Variants in TTC39C observed in about 807,000 individuals in gnomAD.
The protein encoded by TTC39C is tetratricopeptide repeat domain 39C, also known as tetratricopeptide repeat protein 39C.
A neutral mutation model predicts 76.3 loss-of-function variants in TTC39C; 33 were observed. The ratio of observed to expected loss-of-function variants is 0.43; its 90% CI spans 0.33 to 0.58. TTC39C has a LOEUF of 0.58. Ranked by LOEUF, TTC39C falls within the 20% of genes least tolerant of loss-of-function variation. The pLI, the probability that TTC39C is intolerant of heterozygous loss-of-function variation, is 0.04. For missense variants in TTC39C, 595 were observed against 701.4 expected (o/e 0.85, Z 1.71); for synonymous variants, 254 against 260.6 (o/e 0.97, Z 0.24).
At chr18:24,020,369 C>T in intron 1 of TTC39C, 1 of 924,544 alleles carries the variant, frequency 1.1e-6, no homozygotes, top group Non-Finnish European at 1.3e-6. Context: ...GAAAAAAATA[C>T]CTGTGCTATA....
chr18:24,093,152 G>A (rs377720328), intron 6 of TTC39C, among the ~76,000 whole-genome samples: 19 of 152,300 alleles, frequency 1.2e-4, no homozygotes, highest in African/African-American at 4.6e-4. Flanking sequence ...GGTGAATTTT[G>A]TGATTTTTGA....
chr18:24,003,183 C>T (rs1203889717), intron 1 of TTC39C, among the ~76,000 whole-genome samples: 1 of 152,152 alleles, frequency 6.6e-6, no homozygotes, highest in African/African-American at 2.4e-5. Context: ...TGCAGTCTCA[C>T]CTGTCCATGC....
chr18:24,021,609 G>A (rs1173499457), intron 1 of TTC39C, among the ~76,000 whole-genome samples: 5 of 139,346 alleles, frequency 3.6e-5, no homozygotes, highest in Non-Finnish European at 4.5e-5. Flanking sequence ...GCAATGGCAC[G>A]ATCTTGGCTC....
At chr18:24,014,565 A>C, upstream of TTC39C, 2 of 222,502 alleles carry the variant, frequency 9.0e-6, no homozygotes, top group Non-Finnish European at 8.6e-6. Context: ...GACACCCGGA[A>C]ACGGATTCCG....
rs1555779358 is a variant in TTC39C at position 24,134,257 on chromosome 18, G to GTTGTTGT, written c.*1685_*1686insGTTGTTT. 8.2e-5 allele frequency: 4 copies of GTTGTTGT among 48,688 alleles called. No individual in the cohort carries two copies. In the South Asian group the frequency reaches 2.7e-3, roughly 33 times the overall value. 3.0% of individuals were successfully genotyped at this position (48,688 alleles called of 1,614,324 possible). A position where few individuals can be genotyped will look rare whatever the true frequency, so the allele number is the denominator to read the frequency against. On this transcript the variant is annotated 3_prime_UTR_variant, in exon 14 of 14. Coordinates refer to ENST00000317571, the MANE Select transcript of TTC39C (RefSeq NM_001135993.2). ...TGGTGCCCAAAAATATTGGACATCT[G>GTTGTTGT]TTTTTTGTTTTTTTTTTTTTTTTTT...
rs192917079 is a variant in TTC39C at position 24,122,696 on chromosome 18, T to C, written c.1187-1138T>C. Among the ~76,000 whole-genome samples, 4 of 152,022 alleles carry C rather than the reference T, an allele frequency of 2.6e-5. 1 individual carries two copies. The highest frequency in any genetic ancestry group is 9.6e-5 in the African/African-American group (4 of 41,472). On this transcript the variant is annotated intron_variant, in intron 8 of 13. Transcript: ENST00000317571. ...GGCTGCAGCCAGTGCAAAGTTTGCA[T>C]AAGGGACAGAGAAGACACAGCAAAG...
chr18:24,025,114 C>T (rs1207126642), intron 1 of TTC39C, among the ~76,000 whole-genome samples: 1 of 152,208 alleles, frequency 6.6e-6, no homozygotes, highest in Non-Finnish European at 1.5e-5. Flanking sequence ...ACTGATCTGA[C>T]CGTCTCGGCC....
intron 4 of TTC39C, among the ~76,000 whole-genome samples, chr18:24,078,906 T>G (rs972542594): frequency 6.6e-6 from 1 of 152,244 alleles, no homozygotes; most frequent in Non-Finnish European, 1.5e-5. Context: ...GGCCAACCTT[T>G]TTAGCAGTTC....
chr18:24,098,052 G>T (rs1342978561), intron 6 of TTC39C, among the ~76,000 whole-genome samples: 1 of 152,002 alleles, frequency 6.6e-6, no homozygotes, highest in African/African-American at 2.4e-5. Context: ...TATCATGATT[G>T]CCTTTTAAAT....
At chr18:24,034,084 A>G (rs1053591527) in intron 1 of TTC39C, among the ~76,000 whole-genome samples, 2 of 152,198 alleles carry the variant, frequency 1.3e-5, no homozygotes, top group Non-Finnish European at 2.9e-5. Context: ...GGAGTTTATT[A>G]AACATAAAGG....
intron 6 of TTC39C, among the ~76,000 whole-genome samples, chr18:24,091,435 A>G (rs949458259): frequency 6.6e-6 from 1 of 152,042 alleles, no homozygotes; most frequent in African/African-American, 2.4e-5. Context: ...AAGCCAGACC[A>G]TGTGCTGGGA....
intron 1 of TTC39C, among the ~76,000 whole-genome samples, chr18:24,058,545 C>A (rs10853615): frequency 0.45 from 68,500 of 151,756 alleles, 17,768 homozygotes; most frequent in Non-Finnish European, 0.6. Context: ...GTGCCAGCTA[C>A]TTGGGAGGCT....
At chr18:23,993,591 G>C (rs2083236747) in intron 1 of TTC39C, among the ~76,000 whole-genome samples, 2 of 152,148 alleles carry the variant, frequency 1.3e-5, no homozygotes, top group Admixed American at 1.3e-4. Flanking sequence ...CTTGTATAAA[G>C]ATCGAAATGT....
chr18:24,098,429 C>T, intron 6 of TTC39C, among the ~76,000 whole-genome samples: 1 of 123,350 alleles, frequency 8.1e-6, no homozygotes, highest in East Asian at 2.8e-4. Context: ...TCCTTCCTTC[C>T]TCCTTTCCTT....
chr18:24,061,765 A>G (rs886689065), intron 1 of TTC39C, among the ~76,000 whole-genome samples: 1 of 152,108 alleles, frequency 6.6e-6, no homozygotes, highest in Non-Finnish European at 1.5e-5. Flanking sequence ...TTAGCTGGGC[A>G]TGGTGGTGCC....
At chr18:24,094,492 A>T (rs1046528599) in intron 6 of TTC39C, among the ~76,000 whole-genome samples, 1 of 152,240 alleles carries the variant, frequency 6.6e-6, no homozygotes, top group African/African-American at 2.4e-5. Context: ...CATCAGAGGA[A>T]GCCATGTCTA....
At chr18:24,010,788 C>T (rs998492593), upstream of TTC39C, among the ~76,000 whole-genome samples, 2 of 152,156 alleles carry the variant, frequency 1.3e-5, no homozygotes, top group African/African-American at 4.8e-5. Flanking sequence ...TGGCTCATGC[C>T]TGTAATCCCA....
rs548926323 is a variant in TTC39C at position 24,069,729 on chromosome 18, C to T, written c.460+458C>T. ...TTTGCTAATATACTGGAATGACCTG[C>T]ATTTTAACAAACTTTAGTGAGGGAT... On this transcript the variant is annotated intron_variant, in intron 4 of 13. Transcript: ENST00000317571. Among the ~76,000 whole-genome samples, 97 of 152,286 alleles carry T rather than the reference C, an allele frequency of 6.4e-4. 1 individual carries two copies. Among genetic ancestry groups the T allele is most frequent in the Admixed American group, 3.3e-3 (51 of 15,286 alleles).
chr18:24,001,380 T>C (rs1051464535), intron 1 of TTC39C, among the ~76,000 whole-genome samples: 1 of 152,214 alleles, frequency 6.6e-6, no homozygotes, highest in Non-Finnish European at 1.5e-5. Context: ...TCAATTAACC[T>C]CTTCCTTGAT....
Sources: gnomAD v4.1 joint callset for allele counts (sites outside exome capture counted in the v4.1 genomes callset) on GRCh38, gnomAD v4.1.1 for gene constraint, MANE v1.5 for transcripts, NCBI Gene and HGNC (gene_info 2026-07-23, HGNC 2026-07-21) for gene names.